Variants in UBE2O observed in about 807,000 individuals in gnomAD.
UBE2O encodes (E3-independent) E2 ubiquitin-conjugating enzyme.
A neutral mutation model predicts 125.8 loss-of-function variants in UBE2O; 15 were observed. The observed-to-expected ratio is 0.12, with a 90% CI of 0.08 to 0.18. The LOEUF (loss-of-function observed/expected upper bound fraction) is 0.18, where lower values mean the gene tolerates loss of function less well. Ranked by LOEUF, UBE2O falls within the 10% of genes least tolerant of loss-of-function variation. The pLI, the probability that UBE2O is intolerant of heterozygous loss-of-function variation, is 1.00. For missense variants in UBE2O, 1,280 were observed against 1,723.6 expected (o/e 0.74, Z 4.56); for synonymous variants, 708 against 703.2 (o/e 1.01, Z -0.11).
intron 1 of UBE2O, among the ~76,000 whole-genome samples, chr17:76,429,541 C>CAAAAAAAA (rs61081315): frequency 2.8e-5 from 2 of 71,808 alleles, no homozygotes; most frequent in Non-Finnish European, 5.1e-5. Flanking sequence ...GACTCTGTCT[C>CAAAAAAAA]AAAAAAAAAA....
In UBE2O at chr17:76,452,992, G is replaced by A. The variant is rs537167020; in HGVS notation, c.150C>T (p.Ser50=). The A allele has an allele frequency of 2.5e-5, 37 of 1,490,868 alleles. No homozygotes were observed. The African/African-American group carries it at 2.6e-4, about 11-fold the overall frequency. 92.4% of individuals were successfully genotyped at this position (1,490,868 alleles called of 1,614,324 possible). A position where few individuals can be genotyped will look rare whatever the true frequency, so the allele number is the denominator to read the frequency against. The change falls in exon 1 of 18, where the codon TCC becomes TCT. Residue 50 remains serine (S), a synonymous_variant. Transcript: ENST00000319380. This position sits in a 1 kb window ranked among gnomAD's most constrained non-coding sequence, Gnocchi z 4.4. ...SDSASGPSSD[S]GPEAGSQRLL... ...GGCGCTGCGAGCCGGCTTCTGGGCC[G>A]GAGTCCGAGGACGGCCCGGAGGCCG...
rs994421564 is a variant in UBE2O, at chr17:76,410,492, A to G, written c.418-4920T>C. On this transcript the variant is annotated intron_variant, in intron 1 of 17. Coordinates refer to ENST00000319380, the MANE Select transcript of UBE2O (RefSeq NM_022066.4). This position sits in a 1 kb window ranked among gnomAD's most constrained non-coding sequence, Gnocchi z 4.0. ...CGCACCCGCAGTGCCACAGCTGAGA[A>G]GCCCTGAAGGTGCTCTGGAGACGCA... Among the ~76,000 whole-genome samples the G allele has an allele frequency of 4.6e-5, 7 of 152,130 alleles. No individual in the cohort carries two copies. Among genetic ancestry groups the G allele is most frequent in the African/African-American group, 1.7e-4 (7 of 41,414 alleles).
intron 1 of UBE2O, among the ~76,000 whole-genome samples, chr17:76,421,697 G>A (rs1446414095): frequency 6.6e-6 from 1 of 152,192 alleles, no homozygotes; most frequent in Non-Finnish European, 1.5e-5. Context: ...CCCAGGGATG[G>A]AGTAATTAGC....
Position 76,391,556 on chromosome 17 carries a change from C to T in UBE2O, c.3266G>A (p.Gly1089Asp). Residue 1089 changes from glycine (G) to aspartate (D), a missense_variant, in exon 18 of 18, where the codon GGC becomes GAC. By Grantham distance (94) the Gly-to-Asp change is moderately conservative. Transcript: ENST00000319380. This position sits in a 1 kb window ranked among gnomAD's most constrained non-coding sequence, Gnocchi z 8.4. ...YNEAGFDSDRGLQEGYENSRC... is the reference protein window; with the variant it reads ...YNEAGFDSDRDLQEGYENSRC... ...ACTGTTTTCATAGCCTTCCTGCAGG[C>T]CTCGGTCACTGTCGAAGCCGGCTTC... 6.2e-7 allele frequency: 1 copy of T among 1,614,166 alleles called. No individual in the cohort carries two copies.
chr17:76,412,597 G>A (rs1323369777), intron 1 of UBE2O, among the ~76,000 whole-genome samples: 1 of 152,316 alleles, frequency 6.6e-6, no homozygotes, highest in African/African-American at 2.4e-5. Flanking sequence ...TTGTCCCTGA[G>A]CTTGAAGGGT....
intron 1 of UBE2O, among the ~76,000 whole-genome samples, chr17:76,417,691 G>C (rs1317466828): frequency 7.2e-6 from 1 of 139,154 alleles, no homozygotes; most frequent in Non-Finnish European, 1.5e-5. Context: ...CACCACGAAG[G>C]GCCTTCGACT....
At chr17:76,450,596 A>G (rs547365098) in intron 1 of UBE2O, among the ~76,000 whole-genome samples, 1 of 151,874 alleles carries the variant, frequency 6.6e-6, no homozygotes, top group African/African-American at 2.4e-5. Context: ...AAATCTATCC[A>G]AAGTGGTGCC....
chr17:76,392,823 C>A (rs2072136433), intron 15 of UBE2O, among the ~76,000 whole-genome samples: 1 of 151,964 alleles, frequency 6.6e-6, no homozygotes. Context: ...CGTGGTGATG[C>A]ATGCCTGCAG....
chr17:76,453,031 C>A lies in UBE2O; in HGVS notation c.111G>T (p.Ala37=). 1 of 1,433,294 alleles carries A rather than the reference C, an allele frequency of 7.0e-7. No homozygotes were observed. Among genetic ancestry groups the A allele is most frequent in the South Asian group, 1.4e-5 (1 of 69,356 alleles). 88.8% of individuals were successfully genotyped at this position (1,433,294 alleles called of 1,614,324 possible). ...APAAAPVPAP[A]PASDSASGPS... ...GCCCGGAGGCCGAGTCCGAGGCGGGCGCCGGCGCCGGGACGGGGGCTGCGG... is the reference window on the plus strand; with the variant it reads ...GCCCGGAGGCCGAGTCCGAGGCGGGAGCCGGCGCCGGGACGGGGGCTGCGG... The change falls in exon 1 of 18, where the codon GCG becomes GCT. Residue 37 remains alanine (A), a synonymous_variant. Transcript: ENST00000319380.
In UBE2O at chr17:76,452,917, G is replaced by C. The variant is rs982193902; in HGVS notation, c.225C>G (p.His75Gln). 6.7e-7 allele frequency: 1 copy of C among 1,497,568 alleles called. No individual in the cohort carries two copies. Among genetic ancestry groups the C allele is most frequent in the Non-Finnish European group, 8.9e-7 (1 of 1,122,996 alleles). 92.8% of individuals were successfully genotyped at this position (1,497,568 alleles called of 1,614,324 possible). A position where few individuals can be genotyped will look rare whatever the true frequency, so the allele number is the denominator to read the frequency against. ...LVSGRYRGSV[H>Q]FGLVRLIHGE... is the part of the protein sequence containing the mutation. ...CGTGGATGAGGCGCACCAGCCCGAA[G>C]TGCACGGAGCCACGGTAACGGCCCG... The change falls in exon 1 of 18, where the codon CAC (histidine) becomes CAG (glutamine). Residue 75 changes from histidine to glutamine, a missense_variant. This residue lies in a region of UBE2O where 188 missense variants were observed against 192.5 expected (regional missense o/e 0.98). Coordinates refer to ENST00000319380, the MANE Select transcript of UBE2O (RefSeq NM_022066.4). This position sits in a 1 kb window ranked among gnomAD's most constrained non-coding sequence, Gnocchi z 4.4.
intron 1 of UBE2O, among the ~76,000 whole-genome samples, chr17:76,419,154 C>T (rs1342004551): frequency 2.0e-5 from 3 of 148,002 alleles, no homozygotes; most frequent in South Asian, 4.3e-4. Flanking sequence ...CCTGGTGGCT[C>T]ATGCTCATGG....
At chr17:76,435,401 TACACACACACACACATAC>T (rs1380630891) in intron 1 of UBE2O, among the ~76,000 whole-genome samples, 35 of 96,844 alleles carry the variant, frequency 3.6e-4, no homozygotes, top group East Asian at 2.8e-3. Flanking sequence ...AATATACAGA[TACACACACACACACATAC>T]ACACACACAC....
chr17:76,413,564 ACGTATGTGTCC>A (rs2143768193), intron 1 of UBE2O, among the ~76,000 whole-genome samples: 1 of 152,320 alleles, frequency 6.6e-6, no homozygotes, highest in East Asian at 1.9e-4. Flanking sequence ...CATATATAAC[ACGTATGTGTCC>A]CGGGTCATGA....
At position 76,398,018 on chromosome 17, in the gene UBE2O, T is replaced by G. The variant is rs2072246637; in HGVS notation, c.2026-130A>C. 7 of 1,093,524 alleles carry G rather than the reference T, an allele frequency of 6.4e-6. No individual in the cohort carries two copies. Among genetic ancestry groups the G allele is most frequent in the Non-Finnish European group, 9.3e-6 (7 of 750,604 alleles). 67.7% of individuals were successfully genotyped at this position (1,093,524 alleles called of 1,614,324 possible). A position where few individuals can be genotyped will look rare whatever the true frequency, so the allele number is the denominator to read the frequency against. ...CAAGGAACTTAGCTCCTCTGGTAAA[T>G]GTAACCAGCGGCAGCTCAAGAAGCC... On this transcript the variant is annotated intron_variant, in intron 12 of 17. Coordinates refer to ENST00000319380, the MANE Select transcript of UBE2O (RefSeq NM_022066.4). The surrounding 1 kb of genome is among the most constrained non-coding windows in gnomAD (Gnocchi z 5.4).
chr17:76,432,669 A>G (rs1357747468), intron 1 of UBE2O, among the ~76,000 whole-genome samples: 1 of 152,228 alleles, frequency 6.6e-6, no homozygotes, highest in Admixed American at 6.5e-5. Flanking sequence ...GGCACCTGCC[A>G]CAAGAGGTAG....
In UBE2O at chr17:76,425,118, G is replaced by A. The variant is rs571482405; in HGVS notation, c.418-19546C>T. On this transcript the variant is annotated intron_variant, in intron 1 of 17. Coordinates refer to ENST00000319380, the MANE Select transcript of UBE2O (RefSeq NM_022066.4). ...GATCTCCTGACCTCGTGATCCACCC[G>A]TCTGGGCCTCCTGAAGTGCTGGGAT... Among the ~76,000 whole-genome samples, 4 of 150,000 alleles carry A rather than the reference G, an allele frequency of 2.7e-5. No individual in the cohort carries two copies. In the East Asian group the frequency reaches 5.9e-4, roughly 22 times the overall value.
In UBE2O at chr17:76,444,239, A is replaced by C. The variant is rs527332984; in HGVS notation, c.417+8486T>G. 2.0e-5 allele frequency among the ~76,000 whole-genome samples: 3 copies of C among 151,846 alleles called. No homozygotes were observed. In the East Asian group the frequency reaches 5.8e-4, roughly 29 times the overall value. ...CCATCTCACAAACAAAGCAAAACAA[A>C]ACAAAACAAAACAAAGAGGGTGTGG... On this transcript the variant is annotated intron_variant, in intron 1 of 17. Transcript: ENST00000319380.
Position 76,410,302 on chromosome 17 carries a change from C to G in UBE2O, c.418-4730G>C, listed in dbSNP as rs2072494186. 6.6e-6 allele frequency among the ~76,000 whole-genome samples: 1 copy of G among 151,932 alleles called. No individual in the cohort carries two copies. Among genetic ancestry groups the G allele is most frequent in the Non-Finnish European group, 1.5e-5 (1 of 67,998 alleles). The stretch of plus-strand genomic sequence containing the variant: ...GGAGGCTGGTTAGCCCAGTGGTTCT[C>G]ACCTAGGGGTAATTTTGCTCCTCAA... On this transcript the variant is annotated intron_variant, in intron 1 of 17. Coordinates refer to ENST00000319380, the MANE Select transcript of UBE2O (RefSeq NM_022066.4). This position sits in a 1 kb window ranked among gnomAD's most constrained non-coding sequence, Gnocchi z 4.0.
At chr17:76,437,225 C>A (rs569233856) in intron 1 of UBE2O, among the ~76,000 whole-genome samples, 1 of 150,696 alleles carries the variant, frequency 6.6e-6, no homozygotes, top group African/African-American at 2.4e-5. Flanking sequence ...CCAAGGCAGG[C>A]GGATCACGAG....
Sources: allele counts gnomAD v4.1 joint callset (sites outside exome capture counted in the v4.1 genomes callset), GRCh38; gene constraint gnomAD v4.1.1; regional missense constraint gnomAD v4.1.1; non-coding constraint Gnocchi (gnomAD v3.1); transcripts MANE v1.5; gene names NCBI Gene and HGNC (gene_info 2026-07-23, HGNC 2026-07-21).